The following CES5A variants were observed in gnomAD, a reference collection of about 807,000 sequenced individuals.
CES5A encodes the protein carboxylesterase 5A.
Under a neutral mutation model 62.9 loss-of-function variants are expected in CES5A, and 67 were observed. The observed-to-expected ratio is 1.07, with a 90% confidence interval of 0.88 to 1.31. The LOEUF (loss-of-function observed/expected upper bound fraction) is 1.31. Among genes scored for constraint, CES5A ranks in the 50% most tolerant of loss-of-function variants. CES5A has a pLI of 0.00. For synonymous variants in CES5A, 296 were observed against 280.8 expected (o/e 1.05, Z -0.54); for missense variants, 748 against 708.5 (o/e 1.06, Z -0.63).
In CES5A at chr16:55,873,874, C is replaced by A. The variant is rs753057525; in HGVS notation, c.237G>T (p.Ser79=). The A allele has an allele frequency of 3.7e-6, 6 of 1,613,536 alleles. No homozygotes were observed. In the Admixed American group the frequency reaches 8.3e-5, roughly 22 times the overall value. The change falls in exon 2 of 13, where the codon TCG becomes TCT. Residue 79 remains serine, a synonymous_variant. Coordinates refer to ENST00000290567, the MANE Select transcript of CES5A (RefSeq NM_001143685.2). The part of the protein sequence containing the change: ...SLRFTNPQPA[S]PWDNLREATS... ...TGGCTTCTCGCAAGTTATCCCAGGG[C>A]GATGCAGGCTGCGGGTTCGTAAATC...
intron 2 of CES5A, among the ~76,000 whole-genome samples, chr16:55,938,781 TATATATATATATATATAC>T (rs1387019751): frequency 3.2e-5 from 3 of 93,158 alleles, no homozygotes; most frequent in African/African-American, 1.1e-4. Context: ...TATATATATA[TATATATATATATATATAC>T]ACACATATAT....
At chr16:55,853,822 G>GA (rs2033178688) in intron 9 of CES5A, among the ~76,000 whole-genome samples, 5 of 152,122 alleles carry the variant, frequency 3.3e-5, no homozygotes, top group African/African-American at 1.2e-4. Context: ...TGAAGATTCA[G>GA]GGATCCGGTG....
intron 11 of CES5A, among the ~76,000 whole-genome samples, chr16:55,847,919 AT>A (rs1182959075): frequency 1.3e-5 from 2 of 152,016 alleles, no homozygotes; most frequent in Non-Finnish European, 2.9e-5. Flanking sequence ...TATGTTATTT[AT>A]TTTTATAAAG....
intron 1 of CES5A, among the ~76,000 whole-genome samples, chr16:55,909,125 G>A (rs1308195512): frequency 1.3e-5 from 2 of 152,222 alleles, no homozygotes; most frequent in African/African-American, 2.4e-5. Flanking sequence ...GCCTTCGTTT[G>A]GGTCAAGGCT....
intron 1 of CES5A, among the ~76,000 whole-genome samples, chr16:55,907,761 C>A (rs547419095): frequency 6.6e-6 from 1 of 152,174 alleles, no homozygotes; most frequent in African/African-American, 2.4e-5. Context: ...GGGGAGGGTG[C>A]GAAGAGATGA....
At chr16:55,883,566 C>T (rs542558693) in intron 1 of CES5A, among the ~76,000 whole-genome samples, 8 of 152,340 alleles carry the variant, frequency 5.3e-5, no homozygotes, top group African/African-American at 1.9e-4. Context: ...AGCCACTGCA[C>T]CCGGGCCACC....
At chr16:55,881,449 G>T (rs887858696) in intron 1 of CES5A, among the ~76,000 whole-genome samples, 1 of 152,194 alleles carries the variant, frequency 6.6e-6, no homozygotes, top group Non-Finnish European at 1.5e-5. Context: ...GGGTAGGAGA[G>T]AATTTATTAG....
At chr16:55,946,821 T>C (rs2034499926) in intron 2 of CES5A, among the ~76,000 whole-genome samples, 1 of 152,220 alleles carries the variant, frequency 6.6e-6, no homozygotes, top group African/African-American at 2.4e-5. Context: ...TTTGGTTTGA[T>C]CCAGGTACTC....
chr16:55,861,366 G>T, intron 7 of CES5A, 46 bp downstream of exon 7: 3 of 1,046,658 alleles, frequency 2.9e-6, no homozygotes, highest in East Asian at 2.4e-5. Context: ...TCATCTCTCC[G>T]TTCGAAGGGC....
At chr16:55,925,449 T>C (rs1331006832) in exon 1 of CES5A, 1 of 152,036 alleles carries the variant, frequency 6.6e-6, no homozygotes, top group East Asian at 1.9e-4. Context: ...GGAGAACAGT[T>C]TGGAGTTTCC....
intron 2 of CES5A, among the ~76,000 whole-genome samples, chr16:55,938,823 C>T (rs1391921979): frequency 1.9e-4 from 17 of 91,384 alleles, no homozygotes; most frequent in Non-Finnish European, 2.8e-4. Flanking sequence ...TATACACACA[C>T]ATATATATAT....
chr16:55,912,235 T>C (rs1466263783), intron 1 of CES5A, among the ~76,000 whole-genome samples: 1 of 152,240 alleles, frequency 6.6e-6, no homozygotes, highest in Admixed American at 6.5e-5. Flanking sequence ...GCCTAGCAAC[T>C]GCCTTTGGCA....
At chr16:55,918,767 C>A (rs1315749502) in intron 1 of CES5A, among the ~76,000 whole-genome samples, 1 of 152,148 alleles carries the variant, frequency 6.6e-6, no homozygotes, top group Non-Finnish European at 1.5e-5. Context: ...ATAATGCTTC[C>A]CCATGTCTGA....
At position 55,861,370 on chromosome 16, in the gene CES5A, G is replaced by A. The variant is rs369806042; in HGVS notation, c.915+42C>T. On this transcript the variant is annotated intron_variant, in intron 7 of 12. Transcript: ENST00000290567. The stretch of plus-strand genomic sequence containing the variant: ...GTAGGATTTGTTCATCTCTCCGTTC[G>A]AAGGGCAAGCCTGCCCCCAAAACTG... 3.6e-5 allele frequency: 40 copies of A among 1,122,414 alleles called. 1 individual carries two copies. Among genetic ancestry groups the A allele is most frequent in the Admixed American group, 5.4e-5 (3 of 55,268 alleles). 69.5% of individuals were successfully genotyped at this position (1,122,414 alleles called of 1,614,324 possible).
chr16:55,861,279 C>T (rs1415400134), intron 7 of CES5A, 133 bp downstream of exon 7: 1 of 622,844 alleles, frequency 1.6e-6, no homozygotes, highest in African/African-American at 1.8e-5. Flanking sequence ...TATTTTTTTA[C>T]AGCTGTTACC....
At chr16:55,890,570 GA>G in intron 1 of CES5A, among the ~76,000 whole-genome samples, 1 of 151,622 alleles carries the variant, frequency 6.6e-6, no homozygotes, top group Middle Eastern at 3.4e-3. Context: ...AGGACCTTAT[GA>G]AAAAATAAAA....
intron 1 of CES5A, among the ~76,000 whole-genome samples, chr16:55,924,780 A>G (rs538636240): frequency 1.7e-4 from 25 of 151,200 alleles, no homozygotes; most frequent in African/African-American, 5.8e-4. Flanking sequence ...CATTTAAAGG[A>G]CAATAAATGA....
intron 2 of CES5A, among the ~76,000 whole-genome samples, chr16:55,945,876 T>G (rs372374187): frequency 3.3e-5 from 5 of 152,116 alleles, no homozygotes; most frequent in African/African-American, 9.7e-5. Flanking sequence ...GTCAGGCTCT[T>G]GATCGGCCTC....
chr16:55,888,065 G>A (rs558508371), intron 1 of CES5A, among the ~76,000 whole-genome samples: 2 of 152,168 alleles, frequency 1.3e-5, no homozygotes, highest in Non-Finnish European at 2.9e-5. Flanking sequence ...GTCCTGGACC[G>A]TGAAGAAAGA....
Sources: gnomAD v4.1 joint callset for allele counts (sites outside exome capture counted in the v4.1 genomes callset) on GRCh38, gnomAD v4.1.1 for gene constraint, MANE v1.5 for transcripts, NCBI Gene and HGNC (gene_info 2026-07-23, HGNC 2026-07-21) for gene names.